Variants in PFKP observed in about 807,000 individuals in gnomAD.
PFKP encodes the protein phosphofructokinase, platelet, also known as ATP-dependent 6-phosphofructokinase, platelet type.
In PFKP, 101 loss-of-function variants were observed where a neutral mutation model predicts 94.3. That is an observed-to-expected ratio of 1.07 (90% CI 0.91 to 1.26). PFKP has a LOEUF of 1.26. Among genes scored for constraint, PFKP ranks in the 50% most tolerant of loss-of-function variants. The pLI is 0.00. For missense variants in PFKP, 1,145 were observed against 1,103.3 expected (o/e 1.04, Z -0.53); for synonymous variants, 573 against 432.6 (o/e 1.32, Z -4.03).
Position 3,067,617 on chromosome 10 carries a change from GC to G in PFKP, c.27del (p.Lys10ArgfsTer21). ...CGCCATGGACGCGGACGACTCCCGG[GC>G]CCCCAAGGGCTCCTTGCGGAAGTTC... MDADDSR[A>X]PKGSLRKFLE... is the part of the protein sequence containing the mutation. On this transcript the variant is annotated frameshift_variant, in exon 1 of 22. Coordinates refer to ENST00000381125, the MANE Select transcript of PFKP (RefSeq NM_002627.5). LOFTEE classifies it high-confidence loss of function. The G allele has an allele frequency of 1.3e-6, 2 of 1,529,714 alleles. No homozygotes were observed. 94.8% of individuals were successfully genotyped at this position (1,529,714 alleles called of 1,614,324 possible).
chr10:3,068,411 G>A (rs1051017997), intron 1 of PFKP, among the ~76,000 whole-genome samples: 1 of 152,194 alleles, frequency 6.6e-6, no homozygotes, highest in African/African-American at 2.4e-5. Flanking sequence ...GCTCGCATGT[G>A]CTGTCGCCTT....
At chr10:3,112,080 G>T in intron 10 of PFKP, 142 bp from the exon 11 acceptor site, 1 of 699,822 alleles carries the variant, frequency 1.4e-6, no homozygotes, top group Non-Finnish European at 2.6e-6. Flanking sequence ...CGGTCGTCTA[G>T]ACCATTAACC....
In PFKP at chr10:3,077,428, A is replaced by AT. The variant is rs531950487; in HGVS notation, c.113-4949dup. ...AGGCGCTCACCACCATGCCCGGCTA[A>AT]TTTTTTTTTTTGTATTTTTAGTAGA... On this transcript the variant is annotated intron_variant, in intron 1 of 21. Coordinates refer to ENST00000381125, the MANE Select transcript of PFKP (RefSeq NM_002627.5). Among the ~76,000 whole-genome samples, 1,413 of 145,806 alleles carry AT rather than the reference A, an allele frequency of 9.7e-3. 7 individuals are homozygous for AT. Among genetic ancestry groups the AT allele is most frequent in the African/African-American group, 0.03 (1,190 of 39,856 alleles).
chr10:3,122,094 G>GT (rs1376530171), intron 16 of PFKP, among the ~76,000 whole-genome samples: 1 of 151,980 alleles, frequency 6.6e-6, no homozygotes, highest in East Asian at 1.9e-4. Context: ...AAGCACAGGG[G>GT]TTACAGGGAT....
intron 2 of PFKP, among the ~76,000 whole-genome samples, chr10:3,087,868 C>T (rs534144433): frequency 4.2e-4 from 64 of 152,050 alleles, no homozygotes; most frequent in Admixed American, 3.5e-3. Flanking sequence ...ACCCTCAGAC[C>T]GCCAGGACTT....
chr10:3,116,894 A>G (rs767198582), intron 14 of PFKP, 48 bp downstream of exon 14: 1 of 1,398,522 alleles, frequency 7.2e-7, no homozygotes, highest in Non-Finnish European at 1.0e-6. Flanking sequence ...GGAAGAAGGA[A>G]GAGCCGTGTT....
Position 3,129,873 on chromosome 10 carries a change from A to T in PFKP, c.1738A>T (p.Ile580Phe). Residue 580 changes from isoleucine to phenylalanine, a missense_variant, in exon 17 of 22, where the codon ATC becomes TTC. By Grantham distance (21) the Ile-to-Phe change is conservative (BLOSUM62 0). Coordinates refer to ENST00000381125, the MANE Select transcript of PFKP (RefSeq NM_002627.5). The part of the protein sequence containing the change: ...ASGTKRRVFI[I>F]ETMGGYCGYL... ...CGGAACCAAGCGGCGCGTGTTCATC[A>T]TCGAGACCATGGGCGGCTACTGTGG... The T allele has an allele frequency of 6.2e-7, 1 of 1,613,680 alleles. No homozygotes were observed. Among genetic ancestry groups the T allele is most frequent in the South Asian group, 1.1e-5 (1 of 91,074 alleles).
At chr10:3,129,657 G>A in intron 16 of PFKP, 162 bp from the exon 17 acceptor site, 1 of 736,470 alleles carries the variant, frequency 1.4e-6, no homozygotes, top group Non-Finnish European at 2.2e-6. Context: ...CACTCCGAGG[G>A]CACATCCTGG....
intron 1 of PFKP, among the ~76,000 whole-genome samples, chr10:3,069,873 T>A (rs1194341649): frequency 6.6e-6 from 1 of 152,256 alleles, no homozygotes; most frequent in East Asian, 1.9e-4. Context: ...AATCGCGGTG[T>A]TCTCTGTTAC....
At chr10:3,087,167 C>G (rs1410868535) in intron 2 of PFKP, among the ~76,000 whole-genome samples, 1 of 151,972 alleles carries the variant, frequency 6.6e-6, no homozygotes. Flanking sequence ...ACATGTTGGC[C>G]AGGCTGGTCT....
intron 11 of PFKP, 92 bp downstream of exon 11, chr10:3,112,378 C>T (rs1836333069): frequency 2.1e-6 from 2 of 937,988 alleles, no homozygotes; most frequent in East Asian, 2.4e-5. Flanking sequence ...GTGCTTATTC[C>T]ATGTCACTGT....
chr10:3,084,693 C>CAATCCTCCAGCCCCTCCCCAGGAG (rs1833351736), intron 2 of PFKP, among the ~76,000 whole-genome samples: 1 of 95,786 alleles, frequency 1.0e-5, no homozygotes, highest in Non-Finnish European at 2.2e-5. Flanking sequence ...GTCTCCAGCA[C>CAATCCTCCAGCCCCTCCCCAGGAG]AGTCCTCCAG....
intron 2 of PFKP, among the ~76,000 whole-genome samples, chr10:3,084,714 GGAGAGTCCTCCAGCCCCTCCCCA>G (rs1833359579): frequency 1.5e-5 from 1 of 67,878 alleles, no homozygotes; most frequent in Admixed American, 1.3e-4. Context: ...CCCCTCCCCA[GGAGAGTCCTCCAGCCCCTCCCCA>G]GGAGAGTCCT....
rs1486764655 is a variant in PFKP, at chr10:3,116,759, CT to C, written c.1372-16del. On this transcript the variant is annotated splice_polypyrimidine_tract_variant and intron_variant, in intron 13 of 21. Transcript: ENST00000381125. Reference sequence around the variant, plus strand: ...CATTGTTCACTTTAGCTGTTTCGTTCTGTGTTTGCACATTAGATCAAAGAAA... The same window carrying C: ...CATTGTTCACTTTAGCTGTTTCGTTCGTGTTTGCACATTAGATCAAAGAAA... The C allele has an allele frequency of 6.2e-7, 1 of 1,604,452 alleles. No individual in the cohort carries two copies. The highest frequency in any genetic ancestry group is 2.2e-5 in the East Asian group (1 of 44,842).
rs138898623 is a variant in PFKP at position 3,099,048 on chromosome 10, C to T, written c.187-227C>T. Among the ~76,000 whole-genome samples, 189 of 152,284 alleles carry T rather than the reference C, an allele frequency of 1.2e-3. 2 individuals carry two copies. The East Asian group carries it at 0.034, about 28-fold the overall frequency. Reference sequence around the variant, plus strand: ...GAGAATGGCTTGATTCCTCATTGCACTGTGAGGCTGAGTCTAGGCAGACGT... The same window carrying T: ...GAGAATGGCTTGATTCCTCATTGCATTGTGAGGCTGAGTCTAGGCAGACGT... On this transcript the variant is annotated intron_variant, in intron 2 of 21. Coordinates refer to ENST00000381125, the MANE Select transcript of PFKP (RefSeq NM_002627.5).
At chr10:3,110,969 C>CT (rs1441663295) in intron 10 of PFKP, among the ~76,000 whole-genome samples, 1 of 149,582 alleles carries the variant, frequency 6.7e-6, no homozygotes, top group Non-Finnish European at 1.5e-5. Flanking sequence ...AGTGTGTGTG[C>CT]ATGTGTGTAT....
chr10:3,099,383 C>G (rs752315343), intron 3 of PFKP, 31 bp downstream of exon 3: 1 of 1,549,674 alleles, frequency 6.5e-7, no homozygotes, highest in South Asian at 1.1e-5. Flanking sequence ...ACAGGGTTCT[C>G]TGAGTTAGAG....
Position 3,134,440 on chromosome 10 carries a change from T to C in PFKP, c.2023-43T>C, listed in dbSNP as rs775734136. 3.3e-5 allele frequency: 35 copies of C among 1,050,638 alleles called. No homozygotes were observed. In the Admixed American group the frequency reaches 6.5e-4, roughly 20 times the overall value. 65.1% of individuals were successfully genotyped at this position (1,050,638 alleles called of 1,614,324 possible). ...GTCATTTCTATTTAACAGCAAAGTGTTACTGTATAACTGGTATTTCATATA... is the reference window on the plus strand; with the variant it reads ...GTCATTTCTATTTAACAGCAAAGTGCTACTGTATAACTGGTATTTCATATA... On this transcript the variant is annotated intron_variant, in intron 19 of 21. Coordinates refer to ENST00000381125, the MANE Select transcript of PFKP (RefSeq NM_002627.5).
At position 3,132,371 on chromosome 10, in the gene PFKP, C is replaced by T; in HGVS notation, c.1849-9C>T. On this transcript the variant is annotated splice_polypyrimidine_tract_variant and intron_variant, in intron 17 of 21. Coordinates refer to ENST00000381125, the MANE Select transcript of PFKP (RefSeq NM_002627.5). ...TTTATTGTCTGATTAACAAAATACTCTCTTCCAGTCCAACGTGGAGCACCT... is the reference window on the plus strand; with the variant it reads ...TTTATTGTCTGATTAACAAAATACTTTCTTCCAGTCCAACGTGGAGCACCT... The T allele has an allele frequency of 6.2e-7, 1 of 1,600,582 alleles. No homozygotes were observed. Among genetic ancestry groups the T allele is most frequent in the Non-Finnish European group, 8.6e-7 (1 of 1,167,894 alleles).
Sources: gnomAD v4.1 joint callset for allele counts (sites outside exome capture counted in the v4.1 genomes callset) on GRCh38, gnomAD v4.1.1 for gene constraint, MANE v1.5 for transcripts, NCBI Gene and HGNC (gene_info 2026-07-23, HGNC 2026-07-21) for gene names.